The following NRXN1 variants were observed in gnomAD, a reference collection of about 807,000 sequenced individuals.
NRXN1 encodes the protein neurexin-1.
A neutral mutation model predicts 150.9 loss-of-function variants in NRXN1; 39 were observed. The ratio of observed to expected loss-of-function variants is 0.26; its 90% CI spans 0.20 to 0.34. The LOEUF is 0.34. Ranked by LOEUF, NRXN1 falls within the 10% of genes least tolerant of loss-of-function variation. NRXN1 has a pLI of 1.00. For synonymous variants in NRXN1, 924 were observed against 757.0 expected (o/e 1.22, Z -3.62); for missense variants, 1,815 against 1,949.9 (o/e 0.93, Z 1.30).
chr2:50,069,286 G>A (rs575462450), intron 19 of NRXN1, among the ~76,000 whole-genome samples: 1 of 152,278 alleles, frequency 6.6e-6, no homozygotes, highest in Admixed American at 6.5e-5. Flanking sequence ...GAACAGGAGT[G>A]GATGCTGCTT....
At chr2:50,466,465 C>T (rs566265764) in intron 16 of NRXN1, 1 of 473,730 alleles carries the variant, frequency 2.1e-6, no homozygotes, top group Non-Finnish European at 4.4e-6. Flanking sequence ...ATCTACCTTG[C>T]AAGTCAGCTT....
chr2:49,985,001 G>A (rs529759597), intron 21 of NRXN1, among the ~76,000 whole-genome samples: 34 of 152,176 alleles, frequency 2.2e-4, no homozygotes, highest in Non-Finnish European at 4.9e-4. Flanking sequence ...TATAGGGAGA[G>A]AATAACTTAG....
chr2:50,283,226 C>T (rs1490819725), intron 17 of NRXN1, among the ~76,000 whole-genome samples: 1 of 152,122 alleles, frequency 6.6e-6, no homozygotes, highest in Non-Finnish European at 1.5e-5. Flanking sequence ...AGCATTAGTG[C>T]TATTGTTTTT....
At chr2:50,769,374 C>A (rs367671364) in intron 5 of NRXN1, among the ~76,000 whole-genome samples, 42 of 152,220 alleles carry the variant, frequency 2.8e-4, no homozygotes, top group African/African-American at 9.6e-4. Flanking sequence ...GCACTAACAT[C>A]ATTTCCCTAG....
intron 18 of NRXN1, among the ~76,000 whole-genome samples, chr2:50,170,832 T>C (rs2059988402): frequency 1.4e-5 from 2 of 146,818 alleles, no homozygotes; most frequent in South Asian, 4.4e-4. Context: ...AATGTGGGGG[T>C]TGGGGTACCC....
At chr2:50,963,896 T>C (rs955244158) in intron 2 of NRXN1, 1 of 353,576 alleles carries the variant, frequency 2.8e-6, no homozygotes, top group African/African-American at 2.1e-5. Flanking sequence ...TCAATAAATA[T>C]TTGTTTAATG....
chr2:50,318,532 C>T (rs969132163), intron 17 of NRXN1, among the ~76,000 whole-genome samples: 2 of 151,984 alleles, frequency 1.3e-5, no homozygotes, highest in African/African-American at 4.8e-5. Flanking sequence ...CAAAACCACC[C>T]AAATATCCAT....
At chr2:50,656,202 A>G in intron 5 of NRXN1, 2 of 534,676 alleles carry the variant, frequency 3.7e-6, no homozygotes, top group South Asian at 5.7e-5. Context: ...CTGCCCCCAA[A>G]CACACAAAAG....
At chr2:50,048,214 A>G (rs1044004876) in intron 21 of NRXN1, among the ~76,000 whole-genome samples, 1 of 152,178 alleles carries the variant, frequency 6.6e-6, no homozygotes, top group South Asian at 2.1e-4. Flanking sequence ...GCCTTTGTAT[A>G]TATTTTAAAA....
At chr2:50,265,468 C>G (rs1225057058) in intron 17 of NRXN1, among the ~76,000 whole-genome samples, 1 of 152,114 alleles carries the variant, frequency 6.6e-6, no homozygotes, top group Non-Finnish European at 1.5e-5. Context: ...ATCTCTCCAA[C>G]AAAAGTGCTA....
chr2:50,267,904 T>G lies in NRXN1; in HGVS notation c.3365-30934A>C, dbSNP rs554514718. Among the ~76,000 whole-genome samples the G allele has an allele frequency of 1.2e-4, 18 of 152,008 alleles. No individual in the cohort carries two copies. The South Asian group carries it at 3.7e-3, about 32-fold the overall frequency. ...TGATTAAAAAAAAAAATCTGTGAAT[T>G]TAAGGCCAGGCACAGCGGCTCACAC... is the stretch of plus-strand genomic sequence containing the variant. On this transcript the variant is annotated intron_variant, in intron 17 of 22. Coordinates refer to ENST00000401669, the MANE Select transcript of NRXN1 (RefSeq NM_001330078.2).
At chr2:50,955,368 G>A (rs944564687) in intron 2 of NRXN1, among the ~76,000 whole-genome samples, 2 of 152,294 alleles carry the variant, frequency 1.3e-5, no homozygotes, top group Admixed American at 6.5e-5. Flanking sequence ...AGAGGAGTGA[G>A]TTAAATTCTG....
chr2:50,262,294 A>G (rs2068366800), intron 17 of NRXN1, among the ~76,000 whole-genome samples: 1 of 151,918 alleles, frequency 6.6e-6, no homozygotes, highest in Non-Finnish European at 1.5e-5. Flanking sequence ...AGTGTATGGG[A>G]TAAGCACTGC....
intron 19 of NRXN1, among the ~76,000 whole-genome samples, chr2:50,086,230 T>A (rs1698757324): frequency 6.6e-6 from 1 of 152,174 alleles, no homozygotes; most frequent in Non-Finnish European, 1.5e-5. Context: ...AATCTCTAAA[T>A]AATAGAGTGA....
At chr2:50,853,096 T>C (rs1225655834) in intron 5 of NRXN1, among the ~76,000 whole-genome samples, 2 of 152,150 alleles carry the variant, frequency 1.3e-5, no homozygotes, top group African/African-American at 2.4e-5. Context: ...CTGTGACACA[T>C]GTAAGAGGAG....
intron 5 of NRXN1, among the ~76,000 whole-genome samples, chr2:50,657,764 C>T (rs562764946): frequency 1.3e-5 from 2 of 152,142 alleles, no homozygotes; most frequent in East Asian, 3.9e-4. Flanking sequence ...GAAATTCTCA[C>T]CTTCCTTTAA....
chr2:50,269,839 T>A (rs1266233223), intron 17 of NRXN1, among the ~76,000 whole-genome samples: 2 of 152,130 alleles, frequency 1.3e-5, no homozygotes, highest in East Asian at 3.9e-4. Flanking sequence ...GGCGGAAAGG[T>A]CTAATTTGGG....
At chr2:50,091,630 A>T (rs2152697650) in intron 18 of NRXN1, 136 bp from the exon 19 acceptor site, 1 of 853,834 alleles carries the variant, frequency 1.2e-6, no homozygotes, top group South Asian at 1.4e-5. Flanking sequence ...CTGAAAAACT[A>T]CATGTAGTAG....
chr2:50,785,295 C>T (rs1559258644), intron 5 of NRXN1, among the ~76,000 whole-genome samples: 1 of 147,796 alleles, frequency 6.8e-6, no homozygotes, highest in African/African-American at 2.5e-5. Flanking sequence ...GTCGCCCCCG[C>T]TGGAGTGCAG....
Sources: allele counts gnomAD v4.1 joint callset (sites outside exome capture counted in the v4.1 genomes callset), GRCh38; gene constraint gnomAD v4.1.1; transcripts MANE v1.5; gene names NCBI Gene and HGNC (gene_info 2026-07-23, HGNC 2026-07-21).